Variants in CAMSAP1 observed in about 807,000 individuals in gnomAD.
CAMSAP1 encodes calmodulin regulated spectrin associated protein 1, also known as calmodulin-regulated spectrin-associated protein 1.
Under a neutral mutation model 143.5 loss-of-function variants are expected in CAMSAP1, and 58 were observed. The observed-to-expected ratio is 0.40, with a 90% CI of 0.33 to 0.50. The LOEUF is 0.50. Ranked by LOEUF, CAMSAP1 falls within the 20% of genes least tolerant of loss-of-function variation. The probability of loss-of-function intolerance (pLI) is 0.45; values close to 1 mark genes in which losing one functional copy is unlikely to be tolerated. For synonymous variants in CAMSAP1, 945 were observed against 859.3 expected (o/e 1.10, Z -1.74); for missense variants, 1,969 against 2,115.7 (o/e 0.93, Z 1.36).
Position 135,850,313 on chromosome 9 carries a change from C to T in CAMSAP1, c.948+9G>A, listed in dbSNP as rs1326131836. 7.5e-6 allele frequency: 12 copies of T among 1,609,628 alleles called. No homozygotes were observed. The East Asian group carries it at 1.6e-4, about 21-fold the overall frequency. ...TTTTAAAACTGCATGCCAAATAATT[C>T]GTTATTACCTTCAACACTAATGGCG... On this transcript the variant is annotated intron_variant, in intron 6 of 16. Transcript: ENST00000389532.
chr9:135,845,241 C>A (rs1836509219), intron 7 of CAMSAP1, among the ~76,000 whole-genome samples: 1 of 152,176 alleles, frequency 6.6e-6, no homozygotes, highest in Admixed American at 6.6e-5. Flanking sequence ...TAATCCATCA[C>A]ATAAACAGAG....
intron 1 of CAMSAP1, among the ~76,000 whole-genome samples, chr9:135,894,567 C>T (rs900569284): frequency 2.4e-4 from 37 of 152,294 alleles, no homozygotes; most frequent in African/African-American, 8.4e-4. Flanking sequence ...AGTGGGGACC[C>T]ATGGAAGCCC....
Position 135,821,695 on chromosome 9 carries a change from T to A in CAMSAP1, c.2966A>T (p.Asp989Val). ...LAFAQQHKAKDPVALHELERN... is the reference protein window; with the variant it reads ...LAFAQQHKAKVPVALHELERN... The stretch of plus-strand genomic sequence containing the variant: ...CTCCAGCTCGTGCAGAGCCACAGGG[T>A]CTTTTGCTTTATGTTGCTGAGCAAA... The change falls in exon 11 of 17, where the codon GAC becomes GTC. Residue 989 changes from aspartate to valine, a missense_variant. Transcript: ENST00000389532. The surrounding 1 kb of genome is among the most constrained non-coding windows in gnomAD (Gnocchi z 4.6). 1 of 1,613,932 alleles carries A rather than the reference T, an allele frequency of 6.2e-7. No homozygotes were observed. The highest frequency in any genetic ancestry group is 8.5e-7 in the Non-Finnish European group (1 of 1,179,876).
At chr9:135,872,909 C>T (rs1837616672) in intron 3 of CAMSAP1, among the ~76,000 whole-genome samples, 1 of 152,214 alleles carries the variant, frequency 6.6e-6, no homozygotes, top group African/African-American at 2.4e-5. Flanking sequence ...TCAGGACCTT[C>T]CACCCTCCTC....
chr9:135,840,633 A>G (rs1358507021), intron 7 of CAMSAP1, among the ~76,000 whole-genome samples: 1 of 152,188 alleles, frequency 6.6e-6, no homozygotes, highest in African/African-American at 2.4e-5. Flanking sequence ...ATCAACACAG[A>G]AGGCGGGTGA....
intron 7 of CAMSAP1, among the ~76,000 whole-genome samples, chr9:135,840,426 G>C (rs181864030): frequency 6.6e-6 from 1 of 152,216 alleles, no homozygotes; most frequent in Non-Finnish European, 1.5e-5. Context: ...GAAGAAGGGG[G>C]CTCCAGCCAT....
chr9:135,906,770 C>T (rs1184092978), intron 1 of CAMSAP1, among the ~76,000 whole-genome samples: 1 of 152,012 alleles, frequency 6.6e-6, no homozygotes, highest in Non-Finnish European at 1.5e-5. Flanking sequence ...AAGCCCCGAC[C>T]CACGCCGCCC....
intron 1 of CAMSAP1, among the ~76,000 whole-genome samples, chr9:135,895,545 T>C (rs1838422315): frequency 6.6e-6 from 1 of 152,064 alleles, no homozygotes; most frequent in East Asian, 1.9e-4. Flanking sequence ...AATAAAATAA[T>C]CTGTCAAACC....
At chr9:135,873,737 C>T (rs973147058) in intron 3 of CAMSAP1, among the ~76,000 whole-genome samples, 1 of 152,070 alleles carries the variant, frequency 6.6e-6, no homozygotes, top group Non-Finnish European at 1.5e-5. Flanking sequence ...AATAGAAAAT[C>T]TATTATCATA....
intron 5 of CAMSAP1, among the ~76,000 whole-genome samples, chr9:135,855,837 G>A (rs191535308): frequency 1.3e-5 from 2 of 151,850 alleles, no homozygotes; most frequent in Non-Finnish European, 1.5e-5. Flanking sequence ...CGGATCACAA[G>A]GTCAGGAGAT....
chr9:135,905,773 C>T (rs1161551895), intron 1 of CAMSAP1, among the ~76,000 whole-genome samples: 1 of 152,240 alleles, frequency 6.6e-6, no homozygotes. Flanking sequence ...AGGTGTGAGG[C>T]AGGTGAGCCC....
At chr9:135,889,050 G>C (rs1386604786) in intron 1 of CAMSAP1, among the ~76,000 whole-genome samples, 1 of 152,208 alleles carries the variant, frequency 6.6e-6, no homozygotes, top group African/African-American at 2.4e-5. Context: ...AGAGAAGAGG[G>C]GGCTGGATAG....
intron 7 of CAMSAP1, among the ~76,000 whole-genome samples, chr9:135,843,597 C>T (rs575593348): frequency 2.0e-5 from 3 of 151,744 alleles, no homozygotes; most frequent in Non-Finnish European, 2.9e-5. Context: ...GCTGGCAGGG[C>T]GCAGTGGTTC....
At chr9:135,903,826 A>G (rs1838686089) in intron 1 of CAMSAP1, among the ~76,000 whole-genome samples, 1 of 151,506 alleles carries the variant, frequency 6.6e-6, no homozygotes, top group Admixed American at 6.5e-5. Context: ...GACATTCAAA[A>G]GAAGAAACAA....
At chr9:135,842,370 T>C (rs1393117591) in intron 7 of CAMSAP1, among the ~76,000 whole-genome samples, 1 of 152,270 alleles carries the variant, frequency 6.6e-6, no homozygotes, top group East Asian at 1.9e-4. Context: ...AAACCTACGT[T>C]TGACTGATGT....
Position 135,906,969 on chromosome 9 carries a change from GCCCCCGCCCCGCGCCCCTCA to G in CAMSAP1, c.160+11_160+30del. On this transcript the variant is annotated intron_variant, in intron 1 of 16. Transcript: ENST00000389532. Reference sequence around the variant, plus strand: ...CCCCCGGCCCCGGCCCGCGCCCCTGGCCCCCGCCCCGCGCCCCTCACCCGGCCCACCTCGGCCGTAGGCCT... The same window carrying G: ...CCCCCGGCCCCGGCCCGCGCCCCTGGCCCGGCCCACCTCGGCCGTAGGCCT... The G allele has an allele frequency of 9.7e-7, 1 of 1,034,184 alleles. No homozygotes were observed. The highest frequency in any genetic ancestry group is 1.2e-6 in the Non-Finnish European group (1 of 860,666). 64.1% of individuals were successfully genotyped at this position (1,034,184 alleles called of 1,614,324 possible).
chr9:135,835,320 C>T (rs1381923197), intron 7 of CAMSAP1, among the ~76,000 whole-genome samples: 1 of 152,130 alleles, frequency 6.6e-6, no homozygotes, highest in Admixed American at 6.5e-5. Context: ...CCCGTGGTCG[C>T]CCCCTTCAGT....
At chr9:135,836,137 A>G (rs1836024976) in intron 7 of CAMSAP1, 1 of 985,342 alleles carries the variant, frequency 1.0e-6, no homozygotes, top group Non-Finnish European at 1.2e-6. Context: ...CCTGCCCAAA[A>G]GCACCCAGAG....
At chr9:135,886,030 G>A (rs568257865) in intron 1 of CAMSAP1, among the ~76,000 whole-genome samples, 93 of 150,340 alleles carry the variant, frequency 6.2e-4, no homozygotes, top group Middle Eastern at 3.4e-3. Flanking sequence ...GTTCTAGAAC[G>A]TTTAACGTTC....
Sources: gnomAD v4.1 joint callset for allele counts (sites outside exome capture counted in the v4.1 genomes callset) on GRCh38, gnomAD v4.1.1 for gene constraint, Gnocchi (gnomAD v3.1) non-coding constraint, MANE v1.5 for transcripts, NCBI Gene and HGNC (gene_info 2026-07-23, HGNC 2026-07-21) for gene names.